GRIK4: variants seen among roughly 807,000 people sequenced by gnomAD.
GRIK4 encodes the protein glutamate ionotropic receptor kainate type subunit 4.
Under a neutral mutation model 104.9 loss-of-function variants are expected in GRIK4, and 40 were observed. That is an observed-to-expected ratio of 0.38 (90% CI 0.30 to 0.50). The LOEUF (loss-of-function observed/expected upper bound fraction) is 0.50, where lower values mean the gene tolerates loss of function less well. Among genes scored for constraint, GRIK4 ranks in the 20% least tolerant of loss-of-function variants. The probability of loss-of-function intolerance (pLI) is 0.93; values close to 1 mark genes in which losing one functional copy is unlikely to be tolerated. For missense variants in GRIK4, 1,047 were observed against 1,308.1 expected (o/e 0.80, Z 3.08); for synonymous variants, 485 against 524.9 (o/e 0.92, Z 1.04).
chr11:120,571,652 C>T (rs1948401421), intron 1 of GRIK4, among the ~76,000 whole-genome samples: 2 of 152,110 alleles, frequency 1.3e-5, no homozygotes, highest in African/African-American at 4.8e-5. Flanking sequence ...TCTCACCACC[C>T]CTCATCCACC....
rs187095327 is a variant in GRIK4 at position 120,557,388 on chromosome 11, C to T, written c.-159+45501C>T. 1.2e-4 allele frequency among the ~76,000 whole-genome samples: 18 copies of T among 152,362 alleles called. No individual in the cohort carries two copies. The Middle Eastern group carries it at 0.01, about 86-fold the overall frequency. On this transcript the variant is annotated intron_variant, in intron 1 of 20. Transcript: ENST00000527524. ...CTGTGCCTGCCCTGGCTGCTGCTGT[C>T]CTGTCCACCGCAGCCTCTTCTCTTG...
intron 1 of GRIK4, among the ~76,000 whole-genome samples, chr11:120,536,590 C>A (rs1005392979): frequency 6.6e-6 from 1 of 152,142 alleles, no homozygotes; most frequent in Admixed American, 6.5e-5. Flanking sequence ...ATTAACCAAA[C>A]CCTTCCTTTG....
rs1347700073 is a variant in GRIK4, at chr11:120,967,878, C to T, written c.2395+555C>T. On this transcript the variant is annotated intron_variant, in intron 19 of 20. Coordinates refer to ENST00000527524, the MANE Select transcript of GRIK4 (RefSeq NM_014619.5). This position sits in a 1 kb window ranked among gnomAD's most constrained non-coding sequence, Gnocchi z 4.2. The stretch of plus-strand genomic sequence containing the variant: ...TGGCTCTTCCACCCCAGGGCCTGTG[C>T]ACCTGTTCCCTCCTCCTGGCCTTCC... Among the ~76,000 whole-genome samples, 2 of 152,218 alleles carry T rather than the reference C, an allele frequency of 1.3e-5. No individual in the cohort carries two copies. The highest frequency in any genetic ancestry group is 4.8e-5 in the African/African-American group (2 of 41,544).
At chr11:120,747,328 A>C (rs1425810518) in intron 3 of GRIK4, among the ~76,000 whole-genome samples, 6 of 152,322 alleles carry the variant, frequency 3.9e-5, no homozygotes, top group Non-Finnish European at 8.8e-5. Flanking sequence ...CCCAACAGGC[A>C]CTGGGCAACT....
intron 14 of GRIK4, among the ~76,000 whole-genome samples, chr11:120,946,561 A>G (rs1943865386): frequency 6.6e-6 from 1 of 152,212 alleles, no homozygotes; most frequent in South Asian, 2.1e-4. Flanking sequence ...ATCTTCAAGG[A>G]GATTGGGTAT....
At chr11:120,868,747 AT>A (rs71473176) in intron 9 of GRIK4, 52,942 of 148,302 alleles carry the variant, frequency 0.36, 9,681 homozygotes, top group East Asian at 0.46. Flanking sequence ...ATGCCCAGCT[AT>A]TTTTTTTTTT....
chr11:120,855,415 C>G (rs192478421), intron 8 of GRIK4, among the ~76,000 whole-genome samples: 1 of 152,240 alleles, frequency 6.6e-6, no homozygotes, highest in East Asian at 1.9e-4. Context: ...TTTTGCCTGG[C>G]GCACAGTTGG....
chr11:120,982,245 G>A, intron 20 of GRIK4, 21 bp downstream of exon 20: 1 of 1,295,828 alleles, frequency 7.7e-7, no homozygotes, highest in Non-Finnish European at 1.1e-6. Context: ...AAAGGGGTAT[G>A]ATCGATCGTG....
chr11:120,692,285 T>G (rs1240374002), intron 3 of GRIK4, among the ~76,000 whole-genome samples: 2 of 152,212 alleles, frequency 1.3e-5, no homozygotes, highest in Non-Finnish European at 2.9e-5. Context: ...CAGGAAGATT[T>G]TTAAGGCTCT....
Position 120,552,278 on chromosome 11 carries a change from A to G in GRIK4, c.-159+40391A>G, listed in dbSNP as rs1029553966. Among the ~76,000 whole-genome samples, 4 of 152,320 alleles carry G rather than the reference A, an allele frequency of 2.6e-5. No individual in the cohort carries two copies. The South Asian group carries it at 8.3e-4, about 32-fold the overall frequency. On this transcript the variant is annotated intron_variant, in intron 1 of 20. Coordinates refer to ENST00000527524, the MANE Select transcript of GRIK4 (RefSeq NM_014619.5). ...AGGATACCCCATTGGTGTCTGCTGCAGAGCTGATTGCTTGATGGTGGGGAG... is the reference window on the plus strand; with the variant it reads ...AGGATACCCCATTGGTGTCTGCTGCGGAGCTGATTGCTTGATGGTGGGGAG...
At position 120,913,808 on chromosome 11, in the gene GRIK4, C is replaced by T. The variant is rs574701106; in HGVS notation, c.1476+8315C>T. Among the ~76,000 whole-genome samples, 8 of 147,280 alleles carry T rather than the reference C, an allele frequency of 5.4e-5. No individual in the cohort carries two copies. In the South Asian group the frequency reaches 1.1e-3, roughly 20 times the overall value. On this transcript the variant is annotated intron_variant, in intron 13 of 20. Transcript: ENST00000527524. ...CAGAGGCCTGGTGGGTCAGGCTGTT[C>T]GTGGCCTCAATTCACTGGGAAGGTT...
chr11:120,899,636 A>G (rs953424000), intron 12 of GRIK4, among the ~76,000 whole-genome samples: 1 of 152,152 alleles, frequency 6.6e-6, no homozygotes, highest in African/African-American at 2.4e-5. Flanking sequence ...AGTCAAGTGC[A>G]TACATGGCCA....
intron 1 of GRIK4, among the ~76,000 whole-genome samples, chr11:120,650,719 CA>C: frequency 6.6e-6 from 1 of 152,326 alleles, no homozygotes; most frequent in South Asian, 2.1e-4. Context: ...ACCTGCCATG[CA>C]GTAGACACTC....
At chr11:120,947,401 CAAAA>C (rs34759788) in intron 14 of GRIK4, among the ~76,000 whole-genome samples, 1 of 124,102 alleles carries the variant, frequency 8.1e-6, no homozygotes, top group Non-Finnish European at 1.7e-5. Flanking sequence ...GACTCTGTCT[CAAAA>C]AAAAAAAAAA....
intron 3 of GRIK4, among the ~76,000 whole-genome samples, chr11:120,670,173 C>T (rs544021634): frequency 2.2e-4 from 33 of 152,356 alleles, no homozygotes; most frequent in Non-Finnish European, 4.1e-4. Flanking sequence ...TGCGTCTCAC[C>T]ACCTCAGCAG....
At chr11:120,814,910 G>A (rs369424486) in intron 4 of GRIK4, among the ~76,000 whole-genome samples, 6 of 152,108 alleles carry the variant, frequency 3.9e-5, no homozygotes, top group Non-Finnish European at 7.3e-5. Flanking sequence ...TCCTGTCTGC[G>A]TCATCCTCGC....
At chr11:120,596,768 A>G (rs2135122100) in intron 1 of GRIK4, among the ~76,000 whole-genome samples, 1 of 151,900 alleles carries the variant, frequency 6.6e-6, no homozygotes. Context: ...TTTGTCGCCC[A>G]GGCTGAAGTG....
At chr11:120,653,054 T>C (rs529299150) in intron 1 of GRIK4, among the ~76,000 whole-genome samples, 1 of 152,336 alleles carries the variant, frequency 6.6e-6, no homozygotes, top group East Asian at 1.9e-4. Context: ...GATGTTCCCC[T>C]GCTTTAAAAA....
chr11:120,520,156 G>A (rs533040438), intron 1 of GRIK4, among the ~76,000 whole-genome samples: 2 of 152,230 alleles, frequency 1.3e-5, no homozygotes, highest in East Asian at 3.9e-4. Flanking sequence ...GCCCCCCAAA[G>A]TGCTGGGATT....
Sources: gnomAD v4.1 joint callset for allele counts (sites outside exome capture counted in the v4.1 genomes callset) on GRCh38, gnomAD v4.1.1 for gene constraint, Gnocchi (gnomAD v3.1) non-coding constraint, MANE v1.5 for transcripts, NCBI Gene and HGNC (gene_info 2026-07-23, HGNC 2026-07-21) for gene names.